MUC22: variants seen among roughly 807,000 people sequenced by gnomAD.
MUC22 encodes mucin 22.
MUC22 carries 24 observed loss-of-function variants against 40.3 expected under a neutral mutation model. The observed-to-expected ratio is 0.60, with a 90% CI of 0.43 to 0.84. The LOEUF is 0.84. Among genes scored for constraint, MUC22 ranks in the 40% least tolerant of loss-of-function variants. The pLI is 0.00. For missense variants in MUC22, 1,926 were observed against 2,130.7 expected, an observed-to-expected ratio of 0.90 and a Z score of 1.89; for synonymous variants, 765 against 844.5, an observed-to-expected ratio of 0.91 and a Z score of 1.63.
chr6:31,025,346 C>A (rs1396303220), intron 1 of MUC22, among the ~76,000 whole-genome samples, 156 bp from the exon 2 acceptor site: 1 of 151,936 alleles, frequency 6.6e-6, no homozygotes, highest in Non-Finnish European at 1.5e-5. Flanking sequence ...AGGAGTATGC[C>A]CAGAGTTTAG....
intron 2 of MUC22, among the ~76,000 whole-genome samples, chr6:31,030,503 C>T (rs150900710): frequency 6.0e-5 from 8 of 133,210 alleles, no homozygotes; most frequent in Admixed American, 2.5e-4. Flanking sequence ...GGCGACAGAG[C>T]GAGACTCCGT....
intron 1 of MUC22, among the ~76,000 whole-genome samples, chr6:31,012,052 C>T (rs1231052088): frequency 6.6e-6 from 1 of 152,148 alleles, no homozygotes; most frequent in Non-Finnish European, 1.5e-5. Flanking sequence ...CTCCAATGGG[C>T]TGTCTGAGAT....
exon 2 of MUC22, chr6:31,026,850 T>C (rs1312468901): frequency 6.9e-7 from 1 of 1,455,460 alleles, no homozygotes. Flanking sequence ...CTACTGCACA[T>C]TCTGAGACGA....
chr6:31,021,662 T>C (rs891295169), intron 1 of MUC22, among the ~76,000 whole-genome samples: 4 of 152,056 alleles, frequency 2.6e-5, no homozygotes, highest in South Asian at 2.1e-4. Context: ...TGTGTCCATA[T>C]TCTGTATCTA....
chr6:31,030,578 C>T (rs1331690032), intron 2 of MUC22, among the ~76,000 whole-genome samples: 1 of 147,748 alleles, frequency 6.8e-6, no homozygotes, highest in South Asian at 2.1e-4. Context: ...GGTCTCACCT[C>T]TTTTTTTTTA....
intron 2 of MUC22, among the ~76,000 whole-genome samples, chr6:31,031,851 T>C (rs1270711878): frequency 1.3e-5 from 2 of 152,162 alleles, no homozygotes; most frequent in Non-Finnish European, 2.9e-5. Context: ...AATTCATTCA[T>C]TTTTATCAGC....
At chr6:31,010,829 C>T (rs938424110) in intron 1 of MUC22, 53 bp downstream of exon 1, 19 of 700,102 alleles carry the variant, frequency 2.7e-5, no homozygotes, top group Non-Finnish European at 4.7e-5. Flanking sequence ...CACATAAGCC[C>T]TGAAGGAGAT....
chr6:31,018,955 C>CT (rs9281102), intron 1 of MUC22, among the ~76,000 whole-genome samples: 58,577 of 152,068 alleles, frequency 0.39, 11,499 homozygotes, highest in East Asian at 0.47. Context: ...TATTCTCCAA[C>CT]ATACTCTCCC....
intron 1 of MUC22, among the ~76,000 whole-genome samples, chr6:31,020,279 T>A (rs1764573770): frequency 6.6e-6 from 1 of 151,860 alleles, no homozygotes; most frequent in Admixed American, 6.6e-5. Context: ...TGAAAAACCA[T>A]GACAACCAGA....
chr6:31,035,048 A>G, exon 4 of MUC22: 5 of 1,110,258 alleles, frequency 4.5e-6, no homozygotes, highest in Non-Finnish European at 6.2e-6. Flanking sequence ...GGAGGGGGTC[A>G]TGGAGGAGAA....
chr6:31,035,041 G>A (rs1766355353), exon 4 of MUC22: 4 of 1,226,154 alleles, frequency 3.3e-6, no homozygotes, highest in East Asian at 2.6e-5. Flanking sequence ...ATGGGTGGGA[G>A]GGGGTCATGG....
At chr6:31,034,107 T>A (rs1444742521) in intron 3 of MUC22, among the ~76,000 whole-genome samples, 2 of 152,242 alleles carry the variant, frequency 1.3e-5, no homozygotes, top group Admixed American at 1.3e-4. Flanking sequence ...CCATATTATA[T>A]TCATCTTACA....
intron 1 of MUC22, among the ~76,000 whole-genome samples, chr6:31,013,003 C>T (rs181995016): frequency 9.7e-4 from 147 of 151,966 alleles, no homozygotes; most frequent in African/African-American, 1.4e-3. Flanking sequence ...GGTGGGATGG[C>T]GTGGGTTCTT....
Position 31,011,008 on chromosome 6 carries a change from G to T in MUC22, c.70+232G>T, listed in dbSNP as rs878968379. 2.0e-5 allele frequency among the ~76,000 whole-genome samples: 3 copies of T among 151,668 alleles called. No homozygotes were observed. Among genetic ancestry groups the T allele is most frequent in the African/African-American group, 7.3e-5 (3 of 41,200 alleles). ...TCTGTATTAGTCTCCCCCAGCTGTG[G>T]TTGTGAGCACATGTGGTGGGGCGGT... On this transcript the variant is annotated intron_variant, in intron 1 of 3. Transcript: ENST00000561890. This position sits in a 1 kb window ranked among gnomAD's most constrained non-coding sequence, Gnocchi z 4.5.
At chr6:31,028,323 C>T in exon 2 of MUC22, 1 of 1,533,354 alleles carries the variant, frequency 6.5e-7, no homozygotes, top group Non-Finnish European at 8.7e-7. Context: ...GTTCAGAGAC[C>T]ACCACCACTT....
chr6:31,030,578 C>CTTTTT (rs28383828), intron 2 of MUC22, among the ~76,000 whole-genome samples: 2 of 147,748 alleles, frequency 1.4e-5, no homozygotes, highest in African/African-American at 5.0e-5. Flanking sequence ...GGTCTCACCT[C>CTTTTT]TTTTTTTTTA....
intron 1 of MUC22, among the ~76,000 whole-genome samples, chr6:31,022,859 G>T (rs1202988428): frequency 6.6e-6 from 1 of 152,216 alleles, no homozygotes; most frequent in Non-Finnish European, 1.5e-5. Flanking sequence ...TCATGGTGCA[G>T]CGGTTTATGC....
At chr6:31,013,958 C>T (rs1764024648) in intron 1 of MUC22, among the ~76,000 whole-genome samples, 2 of 152,200 alleles carry the variant, frequency 1.3e-5, no homozygotes, top group Non-Finnish European at 2.9e-5. Context: ...TCCCCCTACA[C>T]ACTTACTGTC....
upstream of MUC22, among the ~76,000 whole-genome samples, chr6:31,007,496 TAACTC>T (rs1380465249): frequency 6.8e-6 from 1 of 147,744 alleles, no homozygotes; most frequent in African/African-American, 2.5e-5. The surrounding 1 kb of genome is among the most constrained non-coding windows in gnomAD (Gnocchi z 4.0). Context: ...GTGATGAAAA[TAACTC>T]TACTTGAATT....
Sources: allele counts gnomAD v4.1 joint callset (sites outside exome capture counted in the v4.1 genomes callset), GRCh38; gene constraint gnomAD v4.1.1; non-coding constraint Gnocchi (gnomAD v3.1); transcripts MANE v1.5; gene names NCBI Gene and HGNC (gene_info 2026-07-23, HGNC 2026-07-21).